Variants in CPQ observed in about 807,000 individuals in gnomAD.
The protein encoded by CPQ is Ser-Met dipeptidase.
In CPQ, 37 loss-of-function variants were observed where a neutral mutation model predicts 45.7. The ratio of observed to expected loss-of-function variants is 0.81; its 90% CI spans 0.62 to 1.07. The LOEUF is 1.07. CPQ is among the 50% of genes least tolerant of loss of function. The pLI, the probability that CPQ is intolerant of heterozygous loss-of-function variation, is 0.00. For missense variants in CPQ, 537 were observed against 572.9 expected (o/e 0.94, Z 0.64); for synonymous variants, 186 against 205.8 (o/e 0.90, Z 0.82).
At chr8:96,807,222 G>GTT (rs35734880) in intron 2 of CPQ, among the ~76,000 whole-genome samples, 27 of 149,590 alleles carry the variant, frequency 1.8e-4, no homozygotes, top group African/African-American at 5.6e-4. Flanking sequence ...GAAAACTGCT[G>GTT]TTTTTTTTTT....
At chr8:96,746,780 C>T (rs1762247269) in intron 1 of CPQ, among the ~76,000 whole-genome samples, 1 of 152,246 alleles carries the variant, frequency 6.6e-6, no homozygotes, top group East Asian at 1.9e-4. Flanking sequence ...TATAGTATTG[C>T]TCTGATGTGG....
intron 1 of CPQ, among the ~76,000 whole-genome samples, chr8:96,658,206 C>T (rs895581903): frequency 2.6e-5 from 4 of 152,210 alleles, no homozygotes; most frequent in African/African-American, 9.6e-5. Context: ...GCAGAAGGTG[C>T]ATCATGGAAA....
At chr8:96,929,645 AT>A (rs1227407490) in intron 4 of CPQ, among the ~76,000 whole-genome samples, 1 of 152,052 alleles carries the variant, frequency 6.6e-6, no homozygotes, top group African/African-American at 2.4e-5. Flanking sequence ...AACATGATTA[AT>A]TTTTTCTATG....
intron 7 of CPQ, among the ~76,000 whole-genome samples, chr8:97,081,851 C>T (rs929769615): frequency 6.6e-6 from 1 of 152,080 alleles, no homozygotes; most frequent in African/African-American, 2.4e-5. Flanking sequence ...AGCTGTGTGA[C>T]CTTAGGAAAG....
intron 7 of CPQ, among the ~76,000 whole-genome samples, chr8:97,122,370 G>C (rs1035351106): frequency 1.1e-4 from 16 of 152,068 alleles, no homozygotes; most frequent in African/African-American, 3.6e-4. Flanking sequence ...AGAAGACAAT[G>C]GGTGACATCT....
intron 1 of CPQ, among the ~76,000 whole-genome samples, chr8:96,763,875 C>T (rs1220751256): frequency 6.6e-6 from 1 of 151,976 alleles, no homozygotes; most frequent in East Asian, 1.9e-4. Context: ...AAAGACTGAC[C>T]ATATCAAGTG....
intron 1 of CPQ, among the ~76,000 whole-genome samples, chr8:96,781,132 ATAAT>A (rs1278262828): frequency 6.6e-6 from 1 of 152,188 alleles, no homozygotes; most frequent in Non-Finnish European, 1.5e-5. Context: ...CTTTCGCAAA[ATAAT>A]AATAAATTAG....
chr8:96,957,408 G>A (rs1377420047), intron 4 of CPQ, among the ~76,000 whole-genome samples: 2 of 152,158 alleles, frequency 1.3e-5, no homozygotes, highest in East Asian at 1.9e-4. Context: ...CAAAATTTAA[G>A]TTAAAGCCTG....
At chr8:96,868,991 C>T (rs1812030204) in intron 3 of CPQ, among the ~76,000 whole-genome samples, 1 of 152,058 alleles carries the variant, frequency 6.6e-6, no homozygotes, top group East Asian at 1.9e-4. Flanking sequence ...TACATCTAAT[C>T]AGTATTATCA....
intron 4 of CPQ, among the ~76,000 whole-genome samples, chr8:96,884,641 G>A (rs1812275000): frequency 6.6e-6 from 1 of 152,094 alleles, no homozygotes; most frequent in African/African-American, 2.4e-5. Context: ...AAGGGGAAAA[G>A]GAAATGTATG....
chr8:96,817,706 C>G (rs1811248763), intron 2 of CPQ, among the ~76,000 whole-genome samples: 1 of 151,922 alleles, frequency 6.6e-6, no homozygotes, highest in Non-Finnish European at 1.5e-5. Flanking sequence ...CTTGATCTCC[C>G]AGGCTCAAGC....
rs562830088 is a variant in CPQ at position 96,680,343 on chromosome 8, G to A, written c.-35+34941G>A. ...CTTGAATTCACACGTGTTGTGGGAG[G>A]GACTCAGTGGGAGGTAATTGAATCA... On this transcript the variant is annotated intron_variant, in intron 1 of 7. Transcript: ENST00000220763. The A allele has an allele frequency of 4.5e-4, 68 of 152,242 alleles. 1 individual carries two copies. Among genetic ancestry groups the A allele is most frequent in the African/African-American group, 1.6e-3 (66 of 41,548 alleles). The allele number at this position is 152,242 out of a possible 1,614,324, so 9.4% of individuals were successfully genotyped here.
chr8:96,698,757 A>G (rs1370489068), intron 1 of CPQ, among the ~76,000 whole-genome samples: 4 of 152,214 alleles, frequency 2.6e-5, no homozygotes, highest in African/African-American at 9.6e-5. Context: ...TCATCACAAT[A>G]TGCAAATAAA....
rs192795420 is a variant in CPQ at position 97,015,880 on chromosome 8, A to G, written c.962-13523A>G. Among the ~76,000 whole-genome samples the G allele has an allele frequency of 1.7e-3, 259 of 152,296 alleles. 3 individuals carry two copies. Among genetic ancestry groups the G allele is most frequent in the Admixed American group, 0.013 (196 of 15,302 alleles). Reference sequence around the variant, plus strand: ...CCTGACTTTAAGTGGAAAGGGCAGTAGAAAACTACTATTGTTTACATACAT... The same window carrying G: ...CCTGACTTTAAGTGGAAAGGGCAGTGGAAAACTACTATTGTTTACATACAT... On this transcript the variant is annotated intron_variant, in intron 5 of 7. Coordinates refer to ENST00000220763, the MANE Select transcript of CPQ (RefSeq NM_016134.4).
chr8:96,765,140 C>T (rs1810450741), intron 1 of CPQ, among the ~76,000 whole-genome samples: 1 of 152,158 alleles, frequency 6.6e-6, no homozygotes, highest in Non-Finnish European at 1.5e-5. Context: ...TGCTAATTGA[C>T]AGAGTGTTTG....
At chr8:96,661,373 C>T (rs565375363) in intron 1 of CPQ, among the ~76,000 whole-genome samples, 9 of 152,138 alleles carry the variant, frequency 5.9e-5, no homozygotes, top group African/African-American at 1.9e-4. Flanking sequence ...TTTGTATTAG[C>T]GTTCACTCTT....
chr8:96,967,968 C>T (rs1796233739), intron 5 of CPQ, among the ~76,000 whole-genome samples: 1 of 152,128 alleles, frequency 6.6e-6, no homozygotes, highest in South Asian at 2.1e-4. Context: ...CTGGCCCAAC[C>T]CAAGTTATCA....
chr8:96,963,460 G>A (rs182401105), intron 4 of CPQ, among the ~76,000 whole-genome samples: 2 of 152,260 alleles, frequency 1.3e-5, no homozygotes, highest in East Asian at 3.9e-4. Flanking sequence ...CTACAATGAA[G>A]TCATACTAGA....
intron 2 of CPQ, among the ~76,000 whole-genome samples, chr8:96,815,273 G>A (rs1163405263): frequency 1.3e-5 from 2 of 151,966 alleles, no homozygotes; most frequent in African/African-American, 2.4e-5. Context: ...TAGAGAAAAG[G>A]GAAGGTGTTA....
Sources: allele counts gnomAD v4.1 joint callset (sites outside exome capture counted in the v4.1 genomes callset), GRCh38; gene constraint gnomAD v4.1.1; transcripts MANE v1.5; gene names NCBI Gene and HGNC (gene_info 2026-07-23, HGNC 2026-07-21).